The following PUS7 variants were observed in gnomAD, a reference collection of about 807,000 sequenced individuals.
PUS7 encodes the protein pseudouridine synthase 7, also known as pseudouridylate synthase 7 homolog.
A neutral mutation model predicts 79.8 loss-of-function variants in PUS7; 48 were observed. That is an observed-to-expected ratio of 0.60 (90% CI 0.48 to 0.76). The LOEUF (loss-of-function observed/expected upper bound fraction) is 0.76. PUS7 is among the 30% of genes least tolerant of loss of function. The pLI is 0.00. For missense variants in PUS7, 729 were observed against 797.6 expected, an observed-to-expected ratio of 0.91 and a Z score of 1.04; for synonymous variants, 286 against 272.2, an observed-to-expected ratio of 1.05 and a Z score of -0.50.
intron 14 of PUS7, 68 bp downstream of exon 14, chr7:105,462,553 T>C: frequency 1.3e-6 from 2 of 1,568,932 alleles, no homozygotes; most frequent in Non-Finnish European, 8.7e-7. Flanking sequence ...TGACTCTATA[T>C]AAAGTGAAGC....
At chr7:105,458,016 ACTGTG>A (rs1385046408) in intron 15 of PUS7, 90 bp from the exon 16 acceptor site, 1 of 1,450,498 alleles carries the variant, frequency 6.9e-7, no homozygotes, top group African/African-American at 1.4e-5. Flanking sequence ...AATACAAAGA[ACTGTG>A]CTGCTTTCCT....
intron 11 of PUS7, among the ~76,000 whole-genome samples, chr7:105,469,114 A>T (rs1823774970): frequency 6.6e-6 from 1 of 151,842 alleles, no homozygotes; most frequent in Non-Finnish European, 1.5e-5. Flanking sequence ...CATGTTGCCC[A>T]GGCTGGTCAC....
intron 6 of PUS7, among the ~76,000 whole-genome samples, chr7:105,491,966 G>C (rs548257563): frequency 6.6e-6 from 1 of 150,984 alleles, no homozygotes; most frequent in East Asian, 2.0e-4. Flanking sequence ...CTGAGACAGG[G>C]GAATTGCTTG....
rs1554354019 is a variant in PUS7 at position 105,517,162 on chromosome 7, A to ATTTTTTTTTTTTTTTTT, written c.-33+4889_-33+4890insAAAAAAAAAAAAAAAAA. Among the ~76,000 whole-genome samples, 24 of 130,076 alleles carry ATTTTTTTTTTTTTTTTT rather than the reference A, an allele frequency of 1.8e-4. 1 individual carries two copies. Among genetic ancestry groups the ATTTTTTTTTTTTTTTTT allele is most frequent in the South Asian group, 5.7e-4 (2 of 3,530 alleles). 85.3% of individuals were successfully genotyped at this position (130,076 alleles called of 152,430 possible). ...TTCCCCAAAACTTAAAATCCTTCAC[A>ATTTTTTTTTTTTTTTTT]TTTCTTTTTTTGGCGATGGAGTCTT... On this transcript the variant is annotated intron_variant, in intron 1 of 15. Coordinates refer to ENST00000469408, the MANE Select transcript of PUS7 (RefSeq NM_019042.5).
At chr7:105,508,013 G>A in intron 2 of PUS7, 102 bp downstream of exon 2, 1 of 1,399,782 alleles carries the variant, frequency 7.1e-7, no homozygotes, top group Non-Finnish European at 9.4e-7. Flanking sequence ...GTATAAACAA[G>A]CCTTGGAGAT....
At chr7:105,507,290 C>T (rs1825509199) in intron 2 of PUS7, among the ~76,000 whole-genome samples, 1 of 152,044 alleles carries the variant, frequency 6.6e-6, no homozygotes, top group Non-Finnish European at 1.5e-5. Context: ...AAGTGATCTG[C>T]CCGCCTTGGC....
rs569595322 is a variant in PUS7, at chr7:105,509,773, C to G, written c.-32-1229G>C. Among the ~76,000 whole-genome samples, 5 of 152,316 alleles carry G rather than the reference C, an allele frequency of 3.3e-5. No individual in the cohort carries two copies. In the South Asian group the frequency reaches 8.3e-4, roughly 25 times the overall value. On this transcript the variant is annotated intron_variant, in intron 1 of 15. Coordinates refer to ENST00000469408, the MANE Select transcript of PUS7 (RefSeq NM_019042.5). ...GGAATATAGGTGTGAGCCACCCTGC[C>G]TGGCCACAGTGCTTTTATATTAGCA...
At chr7:105,472,247 T>A (rs1823904731) in intron 9 of PUS7, 54 bp from the exon 10 acceptor site, 3 of 1,091,200 alleles carry the variant, frequency 2.7e-6, no homozygotes, top group Non-Finnish European at 4.1e-6. Flanking sequence ...TAAAACTTTA[T>A]ATGCACAAAT....
At chr7:105,481,203 GA>G (rs1586123787) in intron 8 of PUS7, 26 bp from the exon 9 acceptor site, 6 of 1,588,546 alleles carry the variant, frequency 3.8e-6, no homozygotes, top group African/African-American at 1.4e-5. Context: ...TTATCCAGAG[GA>G]AAAAAAGTTA....
At chr7:105,474,541 C>T (rs756974618) in intron 9 of PUS7, among the ~76,000 whole-genome samples, 8 of 149,998 alleles carry the variant, frequency 5.3e-5, no homozygotes, top group Non-Finnish European at 1.0e-4. Flanking sequence ...GGCTGAGGCA[C>T]GCGAATCACA....
At chr7:105,489,045 C>T (rs192805260) in intron 7 of PUS7, among the ~76,000 whole-genome samples, 1 of 149,586 alleles carries the variant, frequency 6.7e-6, no homozygotes. Flanking sequence ...CTACTCAGGA[C>T]GCTGAGGCAG....
chr7:105,508,719 A>T (rs1825573772), intron 1 of PUS7, among the ~76,000 whole-genome samples, 175 bp from the exon 2 acceptor site: 1 of 151,114 alleles, frequency 6.6e-6, no homozygotes, highest in South Asian at 2.1e-4. Flanking sequence ...ATCTCTACTA[A>T]ATATTAGTTA....
At chr7:105,500,579 C>T (rs1240498663) in intron 5 of PUS7, among the ~76,000 whole-genome samples, 2 of 152,164 alleles carry the variant, frequency 1.3e-5, no homozygotes, top group Admixed American at 6.5e-5. Flanking sequence ...CTTGTCTTCC[C>T]GCCTTCATAA....
chr7:105,487,327 A>T (rs1824591283), intron 7 of PUS7, among the ~76,000 whole-genome samples: 1 of 152,232 alleles, frequency 6.6e-6, no homozygotes, highest in Non-Finnish European at 1.5e-5. Flanking sequence ...GACACATCAT[A>T]TAAACAGAAT....
At position 105,456,507 on chromosome 7, in the gene PUS7, C is replaced by T. The variant is rs2132997652; in HGVS notation, c.*1283G>A. On this transcript the variant is annotated 3_prime_UTR_variant, in exon 16 of 16. Coordinates refer to ENST00000469408, the MANE Select transcript of PUS7 (RefSeq NM_019042.5). ...GTCAAGGTCAAGATTCTTATCTGCACTCATTTTGATATATTTATTTGATTT... is the reference window on the plus strand; with the variant it reads ...GTCAAGGTCAAGATTCTTATCTGCATTCATTTTGATATATTTATTTGATTT... 1 of 152,248 alleles carries T rather than the reference C, an allele frequency of 6.6e-6. No individual in the cohort carries two copies. The highest frequency in any genetic ancestry group is 2.1e-4 in the South Asian group (1 of 4,820). 9.4% of individuals were successfully genotyped at this position (152,248 alleles called of 1,614,324 possible).
Position 105,482,272 on chromosome 7 carries a change from C to G in PUS7, c.1049+40G>C, listed in dbSNP as rs200636298. 11 of 1,600,942 alleles carry G rather than the reference C, an allele frequency of 6.9e-6. No homozygotes were observed. The East Asian group carries it at 2.5e-4, about 36-fold the overall frequency. ...GAGTAACATACTCAAGATGCCCTGG[C>G]CAGACCCTCTGGTCTACATTCCCAC... On this transcript the variant is annotated intron_variant, in intron 8 of 15. Coordinates refer to ENST00000469408, the MANE Select transcript of PUS7 (RefSeq NM_019042.5).
chr7:105,514,795 C>CT (rs1562823601), intron 1 of PUS7, among the ~76,000 whole-genome samples: 67 of 112,650 alleles, frequency 5.9e-4, no homozygotes, highest in African/African-American at 1.4e-3. Context: ...AATTCTCTCT[C>CT]ATTTTTTTTT....
intron 1 of PUS7, among the ~76,000 whole-genome samples, chr7:105,511,442 T>TAA (rs754392662): frequency 8.4e-5 from 9 of 106,826 alleles, no homozygotes; most frequent in African/African-American, 8.6e-5. Flanking sequence ...AATTTTCATT[T>TAA]AAAAAAAAAA....
At chr7:105,483,905 T>A (rs1182010375) in intron 7 of PUS7, among the ~76,000 whole-genome samples, 1 of 152,214 alleles carries the variant, frequency 6.6e-6, no homozygotes, top group Non-Finnish European at 1.5e-5. Context: ...TTTCATGATA[T>A]CTGGCCCTTA....
Sources: allele counts gnomAD v4.1 joint callset (sites outside exome capture counted in the v4.1 genomes callset), GRCh38; gene constraint gnomAD v4.1.1; transcripts MANE v1.5; gene names NCBI Gene and HGNC (gene_info 2026-07-23, HGNC 2026-07-21).